Variants in CDKAL1 observed in about 807,000 individuals in gnomAD.
CDKAL1 encodes CDKAL1 threonylcarbamoyladenosine tRNA methylthiotransferase.
In CDKAL1, 32 loss-of-function variants were observed where a neutral mutation model predicts 68.2. That is an observed-to-expected ratio of 0.47 (90% CI 0.35 to 0.63). The LOEUF is 0.63. CDKAL1 is among the 30% of genes least tolerant of loss of function. The probability of loss-of-function intolerance (pLI) is 0.00; values close to 1 mark genes in which losing one functional copy is unlikely to be tolerated. For synonymous variants in CDKAL1, 234 were observed against 244.3 expected (o/e 0.96, Z 0.39); for missense variants, 606 against 696.7 (o/e 0.87, Z 1.47).
intron 13 of CDKAL1, among the ~76,000 whole-genome samples, chr6:21,118,977 T>C (rs1297468049): frequency 6.6e-6 from 1 of 151,806 alleles, no homozygotes; most frequent in African/African-American, 2.4e-5. Flanking sequence ...GGTGTCTTTT[T>C]AAAGCTGCTT....
intron 8 of CDKAL1, among the ~76,000 whole-genome samples, chr6:20,805,343 A>G (rs955977305): frequency 1.1e-4 from 17 of 152,346 alleles, no homozygotes; most frequent in Non-Finnish European, 1.8e-4. Flanking sequence ...TGGAGCTTTC[A>G]TTGTTTGCAA....
At chr6:21,011,059 G>A (rs1332341377) in intron 11 of CDKAL1, among the ~76,000 whole-genome samples, 6 of 140,932 alleles carry the variant, frequency 4.3e-5, no homozygotes, top group African/African-American at 1.3e-4. Context: ...TCCAGCCTGG[G>A]TGACAGAGTG....
intron 11 of CDKAL1, among the ~76,000 whole-genome samples, chr6:21,020,817 C>G (rs1488765383): frequency 7.0e-6 from 1 of 142,622 alleles, no homozygotes; most frequent in Non-Finnish European, 1.5e-5. Flanking sequence ...CATTATGTTT[C>G]CTAGGCTTAT....
At chr6:21,148,407 A>G (rs947395380) in intron 13 of CDKAL1, among the ~76,000 whole-genome samples, 6 of 152,324 alleles carry the variant, frequency 3.9e-5, no homozygotes, top group African/African-American at 1.4e-4. Flanking sequence ...ATCACCTATT[A>G]ATCACCAGCT....
At chr6:21,201,854 A>G (rs2151109705) in intron 15 of CDKAL1, among the ~76,000 whole-genome samples, 1 of 152,244 alleles carries the variant, frequency 6.6e-6, no homozygotes, top group Admixed American at 6.5e-5. Context: ...CTCACATTTC[A>G]TTGAGCTACA....
intron 5 of CDKAL1, among the ~76,000 whole-genome samples, chr6:20,724,003 A>G (rs6903175): frequency 0.34 from 51,217 of 151,962 alleles, 10,426 homozygotes; most frequent in African/African-American, 0.57. Context: ...TATGATCTTG[A>G]CTCAGTGTAA....
intron 11 of CDKAL1, among the ~76,000 whole-genome samples, chr6:21,009,677 A>G (rs1014074790): frequency 6.6e-6 from 1 of 152,236 alleles, no homozygotes; most frequent in African/African-American, 2.4e-5. Context: ...AAAAAGAGTG[A>G]AATTTTGTCG....
At chr6:20,540,458 CT>C (rs113974981) in intron 2 of CDKAL1, among the ~76,000 whole-genome samples, 150 of 142,170 alleles carry the variant, frequency 1.1e-3, no homozygotes, top group Non-Finnish European at 1.2e-3. Context: ...TCGACTTTGA[CT>C]TTTTTTTTTT....
chr6:20,662,564 G>A (rs1769338403), intron 5 of CDKAL1, among the ~76,000 whole-genome samples: 1 of 152,118 alleles, frequency 6.6e-6, no homozygotes, highest in African/African-American at 2.4e-5. Context: ...GCACCACTGT[G>A]TGTGGCTGCC....
intron 13 of CDKAL1, among the ~76,000 whole-genome samples, chr6:21,195,480 TA>T (rs1432953550): frequency 1.7e-4 from 11 of 65,280 alleles, no homozygotes; most frequent in African/African-American, 5.3e-4. Flanking sequence ...ATGTTTTTTT[TA>T]TTTATTTATT....
chr6:20,862,259 C>T (rs1378772831), intron 9 of CDKAL1, among the ~76,000 whole-genome samples: 2 of 152,082 alleles, frequency 1.3e-5, no homozygotes, highest in Admixed American at 1.3e-4. Flanking sequence ...GCATGTAAGC[C>T]GTTATATCAC....
intron 5 of CDKAL1, among the ~76,000 whole-genome samples, chr6:20,719,138 C>T (rs1435820864): frequency 6.6e-6 from 1 of 152,114 alleles, no homozygotes; most frequent in African/African-American, 2.4e-5. Context: ...TTAAAGTTTA[C>T]AGTTGTGTTC....
At chr6:20,590,896 G>C (rs1765563952) in intron 4 of CDKAL1, among the ~76,000 whole-genome samples, 1 of 152,088 alleles carries the variant, frequency 6.6e-6, no homozygotes, top group Non-Finnish European at 1.5e-5. Context: ...TGGGTCAAAT[G>C]GTATTTCTGG....
chr6:20,762,747 A>T (rs992645063), intron 7 of CDKAL1, among the ~76,000 whole-genome samples: 2 of 152,134 alleles, frequency 1.3e-5, no homozygotes, highest in African/African-American at 2.4e-5. Flanking sequence ...CTTCCTCCTT[A>T]ATATAAGAAC....
chr6:20,561,632 G>A (rs1305251619), intron 4 of CDKAL1, among the ~76,000 whole-genome samples: 1 of 152,026 alleles, frequency 6.6e-6, no homozygotes, highest in African/African-American at 2.4e-5. Flanking sequence ...ATCAGTATAT[G>A]TAAAGTGGTC....
intron 8 of CDKAL1, among the ~76,000 whole-genome samples, chr6:20,790,883 C>T (rs891253689): frequency 1.3e-5 from 2 of 151,820 alleles, no homozygotes; most frequent in African/African-American, 2.4e-5. Context: ...TTTGTGAGTA[C>T]ACAAAAAAGG....
intron 13 of CDKAL1, among the ~76,000 whole-genome samples, chr6:21,191,307 A>T (rs909047213): frequency 2.6e-5 from 4 of 152,230 alleles, no homozygotes; most frequent in Non-Finnish European, 5.9e-5. Context: ...TGTGTGTTTT[A>T]TCTGCACTCT....
At chr6:20,966,801 A>G (rs1008576011) in intron 10 of CDKAL1, among the ~76,000 whole-genome samples, 4 of 152,198 alleles carry the variant, frequency 2.6e-5, no homozygotes, top group Admixed American at 2.6e-4. Context: ...ATATCAGGCT[A>G]CCTTCTGATT....
intron 11 of CDKAL1, among the ~76,000 whole-genome samples, chr6:21,001,016 A>C (rs575980296): frequency 5.9e-5 from 9 of 152,250 alleles, no homozygotes; most frequent in Admixed American, 3.3e-4. Context: ...CCTGCTCCTC[A>C]TCATCACCAA....
Sources: allele counts gnomAD v4.1 joint callset (sites outside exome capture counted in the v4.1 genomes callset), GRCh38; gene constraint gnomAD v4.1.1; transcripts MANE v1.5; gene names NCBI Gene and HGNC (gene_info 2026-07-23, HGNC 2026-07-21).